The following CUEDC1 variants were observed in gnomAD, a reference collection of about 807,000 sequenced individuals.
The protein encoded by CUEDC1 is CUE domain-containing protein 1.
Under a neutral mutation model 43.7 loss-of-function variants are expected in CUEDC1, and 30 were observed. That is an observed-to-expected ratio of 0.69 (90% CI 0.51 to 0.93). The LOEUF is 0.93. CUEDC1 is among the 40% of genes least tolerant of loss of function. The pLI is 0.00. For missense variants in CUEDC1, 486 were observed against 549.0 expected, an observed-to-expected ratio of 0.89 and a Z score of 1.15; for synonymous variants, 223 against 223.6, an observed-to-expected ratio of 1.00 and a Z score of 0.02.
intron 1 of CUEDC1, among the ~76,000 whole-genome samples, chr17:57,927,375 T>C (rs2074757966): frequency 6.9e-6 from 1 of 145,436 alleles, no homozygotes; most frequent in African/African-American, 2.6e-5. Context: ...CTGGGGCTGC[T>C]GCAGAAAGCC....
intron 1 of CUEDC1, among the ~76,000 whole-genome samples, chr17:57,897,305 G>A (rs2074421674): frequency 6.6e-6 from 1 of 152,114 alleles, no homozygotes; most frequent in African/African-American, 2.4e-5. Flanking sequence ...GGCAGAGCCC[G>A]ATTTGGAATC....
intron 2 of CUEDC1, among the ~76,000 whole-genome samples, chr17:57,883,609 G>T (rs1224489841): frequency 6.6e-6 from 1 of 152,130 alleles, no homozygotes. Context: ...TGTAGTCCCA[G>T]CTACTCGAGA....
intron 1 of CUEDC1, among the ~76,000 whole-genome samples, chr17:57,946,151 T>C (rs1402848931): frequency 6.6e-6 from 1 of 152,150 alleles, no homozygotes; most frequent in African/African-American, 2.4e-5. Flanking sequence ...GCATTCTGAT[T>C]CAGTATTCTT....
chr17:57,927,869 C>T (rs2074763739), intron 1 of CUEDC1, among the ~76,000 whole-genome samples: 1 of 152,226 alleles, frequency 6.6e-6, no homozygotes, highest in South Asian at 2.1e-4. Flanking sequence ...CCTGTAAGGT[C>T]GGTACTGTTC....
rs116654850 is a variant in CUEDC1 at position 57,869,183 on chromosome 17, G to A, written c.879C>T (p.Asp293=). The A allele has an allele frequency of 3.0e-4, 482 of 1,613,850 alleles. 1 individual carries two copies. The African/African-American group carries it at 4.5e-3, about 15-fold the overall frequency. ...CATCTTCAGACACAGCGGGGTTGGC[G>A]TCGCCAGTTCCTGGAAGGAGACACC... ...GFSSPVPGTG[D]ANPAVSEDAL... The change falls in exon 7 of 11, where the codon GAC becomes GAT. Residue 293 remains aspartate, a synonymous_variant. Transcript: ENST00000577830.
In CUEDC1 at chr17:57,890,032, C is replaced by T. The variant is rs116854875; in HGVS notation, c.-315-4153G>A. Among the ~76,000 whole-genome samples the T allele has an allele frequency of 2.6e-5, 4 of 152,370 alleles. No homozygotes were observed. The East Asian group carries it at 7.7e-4, about 29-fold the overall frequency. ...GCGACAGGTTTACGAGCCTGTGCCA[C>T]ATGCTTTCACATTTAATCTTTATTA... On this transcript the variant is annotated intron_variant, in intron 1 of 10. Coordinates refer to ENST00000577830, the MANE Select transcript of CUEDC1 (RefSeq NM_001271875.2).
intron 1 of CUEDC1, among the ~76,000 whole-genome samples, chr17:57,914,727 G>A (rs2074620033): frequency 6.6e-6 from 1 of 152,206 alleles, no homozygotes; most frequent in Admixed American, 6.5e-5. Context: ...GAGAGAAACA[G>A]AGGGATGTGG....
chr17:57,949,082 C>T (rs1193136868), intron 1 of CUEDC1, among the ~76,000 whole-genome samples: 1 of 152,212 alleles, frequency 6.6e-6, no homozygotes. Flanking sequence ...ACTCAGAGTT[C>T]ACCAAGGGGG....
Position 57,877,392 on chromosome 17 carries a change from G to A in CUEDC1, c.464+2219C>T, listed in dbSNP as rs149104476. On this transcript the variant is annotated intron_variant, in intron 3 of 10. Transcript: ENST00000577830. ...GCCCTGTAGTCCCAGCTATTTGGGA[G>A]GCTGAGGCGGGAGGACTGCTAGAGC... 2.8e-3 allele frequency among the ~76,000 whole-genome samples: 422 copies of A among 152,274 alleles called. 1 individual carries two copies. Among genetic ancestry groups the A allele is most frequent in the Non-Finnish European group, 4.5e-3 (303 of 68,020 alleles).
At position 57,879,756 on chromosome 17, in the gene CUEDC1, G is replaced by T. The variant is rs756621714; in HGVS notation, c.337-18C>A. ...TCCAAGATCTAAATCAGAGGCAACAGAGAAAGAAATATTAATCATCCCTCC... is the reference window on the plus strand; with the variant it reads ...TCCAAGATCTAAATCAGAGGCAACATAGAAAGAAATATTAATCATCCCTCC... On this transcript the variant is annotated intron_variant, in intron 2 of 10. Transcript: ENST00000577830. The T allele has an allele frequency of 1.1e-5, 17 of 1,588,368 alleles. No individual in the cohort carries two copies. The highest frequency in any genetic ancestry group is 1.5e-5 in the Non-Finnish European group (17 of 1,171,042).
chr17:57,939,140 G>A, intron 1 of CUEDC1, among the ~76,000 whole-genome samples: 1 of 151,328 alleles, frequency 6.6e-6, no homozygotes, highest in African/African-American at 2.4e-5. Flanking sequence ...GCTAATTTTT[G>A]TATTTTAGTA....
intron 2 of CUEDC1, among the ~76,000 whole-genome samples, chr17:57,881,720 A>G (rs8077977): frequency 0.2 from 30,843 of 152,090 alleles, 4,636 homozygotes; most frequent in African/African-American, 0.42. Flanking sequence ...TCCCCTGACC[A>G]TGGCTAGTGG....
At chr17:57,944,111 A>G (rs2074939060) in intron 1 of CUEDC1, among the ~76,000 whole-genome samples, 1 of 152,110 alleles carries the variant, frequency 6.6e-6, no homozygotes, top group Non-Finnish European at 1.5e-5. Flanking sequence ...GATTGATTAC[A>G]TAAATTAATA....
intron 1 of CUEDC1, among the ~76,000 whole-genome samples, chr17:57,920,915 G>A (rs1489235734): frequency 8.1e-6 from 1 of 124,068 alleles, no homozygotes; most frequent in African/African-American, 3.3e-5. Context: ...GGGATTACAG[G>A]TGTGAGCCAC....
At chr17:57,870,229 C>T (rs2074015434) in intron 6 of CUEDC1, among the ~76,000 whole-genome samples, 1 of 152,244 alleles carries the variant, frequency 6.6e-6, no homozygotes, top group African/African-American at 2.4e-5. Context: ...TGTTCGCACA[C>T]AGGCACCAGG....
chr17:57,937,405 G>A (rs1393981134), intron 1 of CUEDC1, among the ~76,000 whole-genome samples: 1 of 151,938 alleles, frequency 6.6e-6, no homozygotes, highest in Non-Finnish European at 1.5e-5. Context: ...GAGCCCAGGG[G>A]TTCAAGACCA....
intron 1 of CUEDC1, among the ~76,000 whole-genome samples, chr17:57,921,264 C>G (rs370983276): frequency 6.6e-6 from 1 of 152,214 alleles, no homozygotes; most frequent in Non-Finnish European, 1.5e-5. Flanking sequence ...CCCCCTTCCC[C>G]TCTCAGGGAC....
intron 2 of CUEDC1, among the ~76,000 whole-genome samples, chr17:57,881,673 A>G (rs1475489280): frequency 6.6e-6 from 1 of 152,276 alleles, no homozygotes; most frequent in East Asian, 1.9e-4. Context: ...AGGAGAGCGC[A>G]GTAGAAACTG....
chr17:57,900,151 A>T (rs1303472961), intron 1 of CUEDC1, among the ~76,000 whole-genome samples: 1 of 152,120 alleles, frequency 6.6e-6, no homozygotes, highest in African/African-American at 2.4e-5. Context: ...CAAATCTAAC[A>T]ATCAGGGGAA....
Sources: gnomAD v4.1 joint callset for allele counts (sites outside exome capture counted in the v4.1 genomes callset) on GRCh38, gnomAD v4.1.1 for gene constraint, MANE v1.5 for transcripts, NCBI Gene and HGNC (gene_info 2026-07-23, HGNC 2026-07-21) for gene names.